Variants in MLLT3 observed in about 807,000 individuals in gnomAD.
MLLT3 encodes the protein MLLT3 super elongation complex subunit.
A neutral mutation model predicts 53.2 loss-of-function variants in MLLT3; 4 were observed. That is an observed-to-expected ratio of 0.08 (90% CI 0.04 to 0.17). MLLT3 has a LOEUF of 0.17. Ranked by LOEUF, MLLT3 falls within the 10% of genes least tolerant of loss-of-function variation. The probability of loss-of-function intolerance (pLI) is 1.00; values close to 1 mark genes in which losing one functional copy is unlikely to be tolerated. For missense variants in MLLT3, 569 were observed against 684.0 expected (o/e 0.83, Z 1.87); for synonymous variants, 283 against 230.6 (o/e 1.23, Z -2.06).
chr9:20,594,375 A>C (rs1476771292), intron 2 of MLLT3, among the ~76,000 whole-genome samples: 1 of 152,134 alleles, frequency 6.6e-6, no homozygotes, highest in Non-Finnish European at 1.5e-5. Flanking sequence ...AAGAGACCCT[A>C]ATAGGCAGGA....
chr9:20,417,917 A>C (rs1409497647), intron 4 of MLLT3, among the ~76,000 whole-genome samples: 1 of 152,186 alleles, frequency 6.6e-6, no homozygotes, highest in Admixed American at 6.5e-5. Context: ...ACTTTTAAGA[A>C]CCACTGACAA....
intron 2 of MLLT3, among the ~76,000 whole-genome samples, chr9:20,581,401 T>C (rs906695334): frequency 7.2e-5 from 11 of 152,174 alleles, no homozygotes; most frequent in African/African-American, 2.4e-4. Flanking sequence ...CAGCAGTACT[T>C]TGATCTGCTA....
intron 3 of MLLT3, among the ~76,000 whole-genome samples, chr9:20,454,665 C>A (rs1300214141): frequency 6.6e-6 from 1 of 152,200 alleles, no homozygotes; most frequent in Non-Finnish European, 1.5e-5. Flanking sequence ...GTAGCCCGAT[C>A]CCTAGATGAA....
chr9:20,487,419 A>G (rs1824840632), intron 2 of MLLT3, among the ~76,000 whole-genome samples: 1 of 152,176 alleles, frequency 6.6e-6, no homozygotes, highest in African/African-American at 2.4e-5. Context: ...AAATTAACAA[A>G]TGCAGCTAGA....
intron 2 of MLLT3, among the ~76,000 whole-genome samples, chr9:20,467,713 C>T (rs1334707234): frequency 2.6e-5 from 4 of 152,018 alleles, no homozygotes; most frequent in African/African-American, 9.7e-5. Flanking sequence ...CCTATTGCCC[C>T]AAATAAACAA....
chr9:20,357,242 C>A (rs2118620615), intron 8 of MLLT3, among the ~76,000 whole-genome samples: 1 of 152,312 alleles, frequency 6.6e-6, no homozygotes, highest in East Asian at 1.9e-4. Context: ...TCCTTCAAGT[C>A]CTTTCTCCCC....
chr9:20,483,739 G>A (rs1007946713), intron 2 of MLLT3, among the ~76,000 whole-genome samples: 12 of 114,044 alleles, frequency 1.1e-4, no homozygotes, highest in African/African-American at 3.2e-4. Flanking sequence ...ATGGAGTATC[G>A]CTCTGTCACC....
rs1818967551 is a variant in MLLT3 at position 20,553,134 on chromosome 9, A to G, written c.193+67520T>C. Among the ~76,000 whole-genome samples, 3 of 152,184 alleles carry G rather than the reference A, an allele frequency of 2.0e-5. 1 individual carries two copies. In the South Asian group the frequency reaches 6.2e-4, roughly 32 times the overall value. ...TCCAGAATTAAGTCCTTATTTTTCT[A>G]AAGTATTAAAGTTTTATACTTTAAC... On this transcript the variant is annotated intron_variant, in intron 2 of 10. Transcript: ENST00000380338.
chr9:20,502,797 C>G (rs1414128812), intron 2 of MLLT3, among the ~76,000 whole-genome samples: 1 of 152,242 alleles, frequency 6.6e-6, no homozygotes, highest in Middle Eastern at 3.4e-3. Context: ...ACAAACAACC[C>G]TAACATCTCC....
Position 20,353,712 on chromosome 9 carries a change from C to T in MLLT3, c.1504-116G>A. ...AGCAGCTGGAGGTTTCTCATTACAC[C>T]ACTCTAGCCCAGGCTGTGTGCACTC... is the stretch of plus-strand genomic sequence containing the variant. On this transcript the variant is annotated intron_variant, in intron 9 of 10. Coordinates refer to ENST00000380338, the MANE Select transcript of MLLT3 (RefSeq NM_004529.4). 6.0e-6 allele frequency: 5 copies of T among 838,720 alleles called. No homozygotes were observed. The South Asian group carries it at 7.5e-5, about 13-fold the overall frequency. 52.0% of individuals were successfully genotyped at this position (838,720 alleles called of 1,614,324 possible). A position where few individuals can be genotyped will look rare whatever the true frequency, so the allele number is the denominator to read the frequency against.
In MLLT3 at chr9:20,532,932, C is replaced by T. The variant is rs139113478; in HGVS notation, c.194-76146G>A. 1.2e-3 allele frequency: 309 copies of T among 262,078 alleles called. 1 individual carries two copies. The highest frequency in any genetic ancestry group is 6.5e-3 in the African/African-American group (281 of 43,310). The allele number at this position is 262,078 out of a possible 1,614,324, so 16.2% of individuals were successfully genotyped here. ...TGAGAAGAAAGCTCCCAGCAAAGGG[C>T]ACATCCCCACTAAGAGATCACCTGT... On this transcript the variant is annotated intron_variant, in intron 2 of 10. Coordinates refer to ENST00000380338, the MANE Select transcript of MLLT3 (RefSeq NM_004529.4).
chr9:20,498,626 T>A (rs999704903), intron 2 of MLLT3, among the ~76,000 whole-genome samples: 11 of 152,148 alleles, frequency 7.2e-5, no homozygotes, highest in African/African-American at 2.7e-4. Flanking sequence ...TTATGAGATT[T>A]TTTTGTGTGT....
At chr9:20,592,122 C>A (rs1820144973) in intron 2 of MLLT3, among the ~76,000 whole-genome samples, 1 of 152,142 alleles carries the variant, frequency 6.6e-6, no homozygotes, top group African/African-American at 2.4e-5. Context: ...TCTACCTATT[C>A]CAATCACATA....
intron 2 of MLLT3, among the ~76,000 whole-genome samples, chr9:20,518,463 T>C (rs1387259845): frequency 6.6e-5 from 10 of 152,158 alleles, no homozygotes; most frequent in Non-Finnish European, 1.5e-4. Context: ...ATTACAGTGG[T>C]AACTGCTCCA....
chr9:20,564,304 T>A (rs543387254), intron 2 of MLLT3, among the ~76,000 whole-genome samples: 13 of 151,824 alleles, frequency 8.6e-5, no homozygotes, highest in Non-Finnish European at 1.8e-4. Context: ...TTTCATGCAC[T>A]TGAAATTCTT....
At chr9:20,452,268 G>A (rs946156084) in intron 3 of MLLT3, among the ~76,000 whole-genome samples, 6 of 152,180 alleles carry the variant, frequency 3.9e-5, no homozygotes, top group African/African-American at 1.4e-4. Flanking sequence ...TGTCTTGGGA[G>A]GTAATTAGAT....
chr9:20,414,312 A>ACTGCTGCTGCTGCTGCTGCTGCTGCTG lies in MLLT3; in HGVS notation c.507_533dup (p.Ser182_Ser190dup), dbSNP rs747298605. The stretch of plus-strand genomic sequence containing the variant: ...TGCTGCTGCTGCTACTGCTGCTGCT[A>ACTGCTGCTGCTGCTGCTGCTGCTGCTG]CTGCTGCTGCTGCTGCTGCTGCTGC... On this transcript the variant is annotated inframe_insertion, in exon 5 of 11. Transcript: ENST00000380338. The ACTGCTGCTGCTGCTGCTGCTGCTGCTG allele has an allele frequency of 1.3e-6, 2 of 1,564,928 alleles. No individual in the cohort carries two copies. Among genetic ancestry groups the ACTGCTGCTGCTGCTGCTGCTGCTGCTG allele is most frequent in the African/African-American group, 1.4e-5 (1 of 72,640 alleles).
At chr9:20,361,555 T>C (rs1227665933) in intron 7 of MLLT3, among the ~76,000 whole-genome samples, 2 of 152,172 alleles carry the variant, frequency 1.3e-5, no homozygotes, top group Non-Finnish European at 2.9e-5. Flanking sequence ...CAACAATTCA[T>C]TGGAAATACG....
At chr9:20,585,127 G>C (rs1285580906) in intron 2 of MLLT3, among the ~76,000 whole-genome samples, 4 of 152,082 alleles carry the variant, frequency 2.6e-5, no homozygotes, top group Non-Finnish European at 5.9e-5. Flanking sequence ...TCACAGTTTT[G>C]GAGGCTGGAA....
Sources: gnomAD v4.1 joint callset for allele counts (sites outside exome capture counted in the v4.1 genomes callset) on GRCh38, gnomAD v4.1.1 for gene constraint, MANE v1.5 for transcripts, NCBI Gene and HGNC (gene_info 2026-07-23, HGNC 2026-07-21) for gene names.